Variants in TFAP2D observed in about 807,000 individuals in gnomAD.
TFAP2D encodes transcription factor AP-2-delta.
TFAP2D carries 9 observed loss-of-function variants against 43.6 expected under a neutral mutation model. The ratio of observed to expected loss-of-function variants is 0.21; its 90% confidence interval spans 0.12 to 0.36. The LOEUF (loss-of-function observed/expected upper bound fraction) is 0.36. Among genes scored for constraint, TFAP2D ranks in the 10% least tolerant of loss-of-function variants. The pLI is 1.00. For missense variants in TFAP2D, 513 were observed against 561.4 expected, an observed-to-expected ratio of 0.91 and a Z score of 0.87; for synonymous variants, 256 against 224.9, an observed-to-expected ratio of 1.14 and a Z score of -1.24.
chr6:50,772,136 G>A (rs1038932956), intron 7 of TFAP2D, among the ~76,000 whole-genome samples: 9 of 151,926 alleles, frequency 5.9e-5, no homozygotes, highest in Middle Eastern at 3.4e-3. Flanking sequence ...GCAAACTATC[G>A]CAAGGACAAA....
chr6:50,723,807 G>T (rs573326256), intron 3 of TFAP2D, among the ~76,000 whole-genome samples: 2 of 152,108 alleles, frequency 1.3e-5, no homozygotes, highest in Non-Finnish European at 2.9e-5. Flanking sequence ...TTGCACTGGG[G>T]AATGGGGATT....
chr6:50,759,204 T>C (rs899920114), intron 7 of TFAP2D, among the ~76,000 whole-genome samples: 2 of 152,024 alleles, frequency 1.3e-5, no homozygotes, highest in Non-Finnish European at 2.9e-5. Flanking sequence ...CTATCTTTGT[T>C]GAGCTATTGA....
In TFAP2D at chr6:50,741,712, T is replaced by C. The variant is rs200937122; in HGVS notation, c.884-3395T>C. ...GTTGTATTAAATTAAAAAAAAAAGG[T>C]GCATGGCCAAGTGCTGCAATACATT... On this transcript the variant is annotated intron_variant, in intron 5 of 7. Transcript: ENST00000008391. Among the ~76,000 whole-genome samples, 12 of 147,880 alleles carry C rather than the reference T, an allele frequency of 8.1e-5. No homozygotes were observed. In the East Asian group the frequency reaches 2.2e-3, roughly 27 times the overall value.
At chr6:50,714,875 T>A (rs544707270) in intron 1 of TFAP2D, among the ~76,000 whole-genome samples, 64 of 151,702 alleles carry the variant, frequency 4.2e-4, no homozygotes, top group Non-Finnish European at 4.3e-4. Flanking sequence ...CTATATAGGG[T>A]GGGGGATTTT....
intron 3 of TFAP2D, 97 bp downstream of exon 3, chr6:50,719,247 G>A: frequency 1.6e-6 from 2 of 1,253,424 alleles, no homozygotes; most frequent in South Asian, 1.3e-5. Flanking sequence ...CTTTTCTGAT[G>A]ATTAAGAAAA....
At chr6:50,766,910 C>T (rs1001556388) in intron 7 of TFAP2D, among the ~76,000 whole-genome samples, 1 of 151,910 alleles carries the variant, frequency 6.6e-6, no homozygotes, top group Non-Finnish European at 1.5e-5. Flanking sequence ...CCTCATGATC[C>T]ACCCGCCTCG....
At chr6:50,741,839 T>G (rs1038314537) in intron 5 of TFAP2D, among the ~76,000 whole-genome samples, 3 of 151,808 alleles carry the variant, frequency 2.0e-5, no homozygotes, top group Non-Finnish European at 4.4e-5. Flanking sequence ...GCAGCCATAC[T>G]TGCTGTTTGG....
intron 5 of TFAP2D, among the ~76,000 whole-genome samples, chr6:50,739,907 C>T (rs1353629411): frequency 6.6e-6 from 1 of 152,134 alleles, no homozygotes; most frequent in East Asian, 1.9e-4. Context: ...CAACATCAAA[C>T]TAGTAAAACT....
chr6:50,747,133 G>C (rs189204186), intron 6 of TFAP2D, among the ~76,000 whole-genome samples: 160 of 152,182 alleles, frequency 1.1e-3, no homozygotes, highest in African/African-American at 3.7e-3. Context: ...TGTCTTCTGG[G>C]AGTCTTTATC....
chr6:50,731,609 G>C (rs1768895046), intron 5 of TFAP2D, among the ~76,000 whole-genome samples: 1 of 152,030 alleles, frequency 6.6e-6, no homozygotes, highest in South Asian at 2.1e-4. Context: ...ATGACCTACA[G>C]TTTTAAAAAT....
chr6:50,759,634 T>C (rs1769335503), intron 7 of TFAP2D, among the ~76,000 whole-genome samples: 1 of 152,072 alleles, frequency 6.6e-6, no homozygotes, highest in Admixed American at 6.6e-5. Context: ...ATGGTTAATG[T>C]ACCCCTATAA....
intron 7 of TFAP2D, among the ~76,000 whole-genome samples, chr6:50,759,963 G>C (rs1361419177): frequency 6.6e-6 from 1 of 152,098 alleles, no homozygotes; most frequent in East Asian, 1.9e-4. Flanking sequence ...GAGTTTCATA[G>C]AGCACTAGTC....
At chr6:50,739,118 A>G (rs1266901130) in intron 5 of TFAP2D, among the ~76,000 whole-genome samples, 1 of 152,172 alleles carries the variant, frequency 6.6e-6, no homozygotes, top group East Asian at 1.9e-4. Context: ...CATGTGCACA[A>G]CATGCAGGTT....
At chr6:50,744,936 C>T (rs1377118307) in intron 5 of TFAP2D, among the ~76,000 whole-genome samples, 171 bp from the exon 6 acceptor site, 1 of 152,094 alleles carries the variant, frequency 6.6e-6, no homozygotes, top group Admixed American at 6.6e-5. Flanking sequence ...CCTCATTCTT[C>T]CTCATTACCT....
chr6:50,727,457 G>GTATC (rs924810064), intron 3 of TFAP2D, among the ~76,000 whole-genome samples: 1 of 152,174 alleles, frequency 6.6e-6, no homozygotes, highest in Non-Finnish European at 1.5e-5. Context: ...TACCTGGGAG[G>GTATC]CAAGTGGTAA....
intron 7 of TFAP2D, among the ~76,000 whole-genome samples, chr6:50,755,096 G>A (rs1191367295): frequency 6.6e-6 from 1 of 151,852 alleles, no homozygotes; most frequent in Non-Finnish European, 1.5e-5. Context: ...CGTATGTCTT[G>A]TTTTGGTCTT....
intron 2 of TFAP2D, chr6:50,718,263 T>C (rs1768659472): frequency 6.6e-6 from 1 of 151,812 alleles, no homozygotes; most frequent in African/African-American, 2.4e-5. Flanking sequence ...GGAGCCAGGG[T>C]TGTAAAGGTT....
At chr6:50,717,363 G>A (rs1768644203) in intron 2 of TFAP2D, among the ~76,000 whole-genome samples, 1 of 152,218 alleles carries the variant, frequency 6.6e-6, no homozygotes, top group African/African-American at 2.4e-5. Context: ...GAAAAAGTTT[G>A]TTAAGTGAAG....
chr6:50,745,610 G>T (rs550807292), intron 6 of TFAP2D, among the ~76,000 whole-genome samples: 35 of 152,254 alleles, frequency 2.3e-4, no homozygotes, highest in African/African-American at 8.2e-4. Flanking sequence ...CTTAATAAAT[G>T]AGGGTAAAAT....
Sources: gnomAD v4.1 joint callset for allele counts (sites outside exome capture counted in the v4.1 genomes callset) on GRCh38, gnomAD v4.1.1 for gene constraint, MANE v1.5 for transcripts, NCBI Gene and HGNC (gene_info 2026-07-23, HGNC 2026-07-21) for gene names.